The following SPOUT1 variants were observed in gnomAD, a reference collection of about 807,000 sequenced individuals.
SPOUT1 encodes the protein 28S rRNA (uridine-N(3))-methyltransferase.
Under a neutral mutation model 54.8 loss-of-function variants are expected in SPOUT1, and 40 were observed. That is an observed-to-expected ratio of 0.73 (90% CI 0.57 to 0.95). The LOEUF is 0.95. SPOUT1 is among the 40% of genes least tolerant of loss of function. SPOUT1 has a pLI of 0.00. For missense variants in SPOUT1, 437 were observed against 499.5 expected (o/e 0.87, Z 1.19); for synonymous variants, 193 against 200.3 (o/e 0.96, Z 0.31).
chr9:128,828,267 G>A (rs1029900995), intron 3 of SPOUT1, among the ~76,000 whole-genome samples: 5 of 152,158 alleles, frequency 3.3e-5, no homozygotes, highest in Admixed American at 1.3e-4. Context: ...AGGCTGAAGT[G>A]GGCAGATCAC....
intron 1 of SPOUT1, 144 bp from the exon 2 acceptor site, chr9:128,829,299 C>G (rs1230637143): frequency 1.4e-5 from 11 of 765,570 alleles, no homozygotes; most frequent in Non-Finnish European, 2.6e-5. Context: ...CCCCAGAAAG[C>G]GGCAGGAGGG....
chr9:128,825,828 T>C (rs1460617196), intron 7 of SPOUT1, among the ~76,000 whole-genome samples, 194 bp downstream of exon 7: 3 of 152,216 alleles, frequency 2.0e-5, no homozygotes, highest in African/African-American at 4.8e-5. Context: ...CTTCTGTTGA[T>C]TTGCTTTTTA....
At position 128,820,927 on chromosome 9, in the gene SPOUT1, CCCAGGCTCTGGGTCAATA is replaced by C; in HGVS notation, c.*1820_*1837del. ...CTGCCACTCACAGGGCCAGGCTTGC[CCCAGGCTCTGGGTCAATA>C]CCAGTTCCCTACTCATCTGGTTTCT... On this transcript the variant is annotated 3_prime_UTR_variant, in exon 12 of 12. Coordinates refer to ENST00000361256, the MANE Select transcript of SPOUT1 (RefSeq NM_016390.4). 1 of 1,351,258 alleles carries C rather than the reference CCCAGGCTCTGGGTCAATA, an allele frequency of 7.4e-7. No individual in the cohort carries two copies. Among genetic ancestry groups the C allele is most frequent in the Non-Finnish European group, 1.0e-6 (1 of 967,830 alleles). 83.7% of individuals were successfully genotyped at this position (1,351,258 alleles called of 1,614,324 possible). A position where few individuals can be genotyped will look rare whatever the true frequency, so the allele number is the denominator to read the frequency against.
At position 128,826,505 on chromosome 9, in the gene SPOUT1, C is replaced by A. The variant is rs199669586; in HGVS notation, c.458+35G>T. 12 of 1,610,184 alleles carry A rather than the reference C, an allele frequency of 7.5e-6. No individual in the cohort carries two copies. In the East Asian group the frequency reaches 8.9e-5, roughly 12 times the overall value. On this transcript the variant is annotated intron_variant, in intron 5 of 11. Coordinates refer to ENST00000361256, the MANE Select transcript of SPOUT1 (RefSeq NM_016390.4). This position sits in a 1 kb window ranked among gnomAD's most constrained non-coding sequence, Gnocchi z 5.5. The stretch of plus-strand genomic sequence containing the variant: ...CCTACCTGGTCTCCACTTTGACACA[C>A]CCCTCCCTCATGCTTAGGGGAGTGA...
intron 7 of SPOUT1, among the ~76,000 whole-genome samples, chr9:128,825,260 G>A (rs576499062): frequency 6.6e-6 from 1 of 152,266 alleles, no homozygotes; most frequent in African/African-American, 2.4e-5. Flanking sequence ...TGCACCTTTG[G>A]GGCGCTCATG....
intron 1 of SPOUT1, 50 bp from the exon 2 acceptor site, chr9:128,829,205 C>T: frequency 6.6e-7 from 1 of 1,507,228 alleles, no homozygotes; most frequent in Non-Finnish European, 9.2e-7. Context: ...GATGGTCACA[C>T]CTGGAGGGGG....
rs1830099690 is a variant in SPOUT1 at position 128,820,890 on chromosome 9, C to T, written c.*1875G>A. On this transcript the variant is annotated 3_prime_UTR_variant, in exon 12 of 12. Coordinates refer to ENST00000361256, the MANE Select transcript of SPOUT1 (RefSeq NM_016390.4). ...GGGGGCGGCAGAACCTCCCACTCAC[C>T]TGAGGCCCCTACTGCCACTCACAGG... 6.5e-7 allele frequency: 1 copy of T among 1,545,716 alleles called. No homozygotes were observed. Among genetic ancestry groups the T allele is most frequent in the Non-Finnish European group, 8.8e-7 (1 of 1,134,874 alleles).
At chr9:128,822,934 T>C in intron 11 of SPOUT1, 101 bp from the exon 12 acceptor site, 1 of 812,410 alleles carries the variant, frequency 1.2e-6, no homozygotes. Flanking sequence ...CCTGGCCCAC[T>C]GGGGTCCCCT....
chr9:128,822,173 A>G lies in SPOUT1; in HGVS notation c.*592T>C. 1.2e-6 allele frequency: 1 copy of G among 854,534 alleles called. No homozygotes were observed. The highest frequency in any genetic ancestry group is 1.8e-6 in the Non-Finnish European group (1 of 566,510). 52.9% of individuals were successfully genotyped at this position (854,534 alleles called of 1,614,324 possible). On this transcript the variant is annotated 3_prime_UTR_variant, in exon 12 of 12. Coordinates refer to ENST00000361256, the MANE Select transcript of SPOUT1 (RefSeq NM_016390.4). Reference sequence around the variant, plus strand: ...CCACCCTGGAGAGAGTTCCAGCCTCAAGGAGGAGCCAGGCAGGCTACAGAA... The same window carrying G: ...CCACCCTGGAGAGAGTTCCAGCCTCGAGGAGGAGCCAGGCAGGCTACAGAA...
At position 128,821,919 on chromosome 9, in the gene SPOUT1, G is replaced by C. The variant is rs1830126594; in HGVS notation, c.*846C>G. The stretch of plus-strand genomic sequence containing the variant: ...GGTGGAAGGGAGGAGACTCTGCTGA[G>C]GGGGAGCCCCCGTCCGGTGTCCTGG... On this transcript the variant is annotated 3_prime_UTR_variant, in exon 12 of 12. Transcript: ENST00000361256. 1 of 216,160 alleles carries C rather than the reference G, an allele frequency of 4.6e-6. No individual in the cohort carries two copies. Among genetic ancestry groups the C allele is most frequent in the Non-Finnish European group, 9.4e-6 (1 of 106,698 alleles). The allele number at this position is 216,160 out of a possible 1,614,324, so 13.4% of individuals were successfully genotyped here. A position where few individuals can be genotyped will look rare whatever the true frequency, so the allele number is the denominator to read the frequency against.
intron 7 of SPOUT1, 132 bp from the exon 8 acceptor site, chr9:128,825,181 C>T: frequency 1.5e-6 from 1 of 651,098 alleles, no homozygotes; most frequent in Non-Finnish European, 2.8e-6. Context: ...TGCCACCCTC[C>T]ACCCCTGGCA....
At chr9:128,823,148 C>T (rs1463091660) in intron 11 of SPOUT1, among the ~76,000 whole-genome samples, 1 of 152,140 alleles carries the variant, frequency 6.6e-6, no homozygotes, top group Non-Finnish European at 1.5e-5. Context: ...GGAAGGGTGG[C>T]AGCCAGGGTT....
At chr9:128,824,743 T>C in intron 9 of SPOUT1, 28 bp downstream of exon 9, 1 of 1,535,226 alleles carries the variant, frequency 6.5e-7, no homozygotes, top group South Asian at 1.1e-5. Flanking sequence ...GATGGATGGA[T>C]ATTCAGAGAA....
In SPOUT1 at chr9:128,822,092, C is replaced by T. The variant is rs1589590690; in HGVS notation, c.*673G>A. On this transcript the variant is annotated 3_prime_UTR_variant, in exon 12 of 12. Transcript: ENST00000361256. Reference sequence around the variant, plus strand: ...CGATTCTCCTAGCAGCGTTTATTGTCGCCCACTCTGCCTGACCCAGTGTTG... The same window carrying T: ...CGATTCTCCTAGCAGCGTTTATTGTTGCCCACTCTGCCTGACCCAGTGTTG... 1.6e-5 allele frequency: 9 copies of T among 577,322 alleles called. No homozygotes were observed. The highest frequency in any genetic ancestry group is 4.6e-4 in the Middle Eastern group (1 of 2,170). The allele number at this position is 577,322 out of a possible 1,614,324, so 35.8% of individuals were successfully genotyped here.
intron 10 of SPOUT1, 82 bp downstream of exon 10, chr9:128,823,990 G>A (rs996107366): frequency 1.3e-6 from 2 of 1,572,572 alleles, no homozygotes; most frequent in Non-Finnish European, 1.7e-6. Context: ...GACAGCAGGG[G>A]CCCATCTGTG....
rs34500948 is a variant in SPOUT1, at chr9:128,828,755, G to A, written c.188C>T (p.Ala63Val). 9.5e-4 allele frequency: 1,540 copies of A among 1,613,870 alleles called. 12 individuals are homozygous for A. In the African/African-American group the frequency reaches 0.016, roughly 17 times the overall value. Residue 63 changes from alanine to valine, a missense_variant, in exon 3 of 12, where the codon GCG (alanine) becomes GTG (valine). Physicochemically the swap from Ala to Val is moderately conservative, Grantham distance 64. Coordinates refer to ENST00000361256, the MANE Select transcript of SPOUT1 (RefSeq NM_016390.4). ...QAKRLEEEEA[A>V]AEKEDRGRPY... ...CTCACCGCGGTCCTCCTTCTCTGCC[G>A]CTGCCTCCTCCTCTTCCAGGCGCTT... is the stretch of plus-strand genomic sequence containing the variant.
chr9:128,819,951 TAAA>T lies in SPOUT1; in HGVS notation c.*2811_*2813del, dbSNP rs1830075177. ...TGTGGGATCAATGGGGGGGTGGCTG[TAAA>T]TACAGATGAAGCTTCCCTTGCTCGC... is the stretch of plus-strand genomic sequence containing the variant. On this transcript the variant is annotated 3_prime_UTR_variant, in exon 12 of 12. Transcript: ENST00000361256. 6.6e-6 allele frequency: 1 copy of T among 152,246 alleles called. No homozygotes were observed. Among genetic ancestry groups the T allele is most frequent in the African/African-American group, 2.4e-5 (1 of 41,438 alleles). 9.4% of individuals were successfully genotyped at this position (152,246 alleles called of 1,614,324 possible). A position where few individuals can be genotyped will look rare whatever the true frequency, so the allele number is the denominator to read the frequency against.
chr9:128,824,882 CAG>C lies in SPOUT1; in HGVS notation c.713-15_713-14del, dbSNP rs768778391. The C allele has an allele frequency of 6.2e-6, 10 of 1,609,826 alleles. No individual in the cohort carries two copies. Among genetic ancestry groups the C allele is most frequent in the African/African-American group, 1.3e-5 (1 of 74,830 alleles). The stretch of plus-strand genomic sequence containing the variant: ...TAGGTCTTGCAGTCTGGAGGGGTAA[CAG>C]AGTCTGTAAAGATGGGGTGAGGGAA... On this transcript the variant is annotated splice_polypyrimidine_tract_variant and intron_variant, in intron 8 of 11. Transcript: ENST00000361256.
intron 9 of SPOUT1, 93 bp from the exon 10 acceptor site, chr9:128,824,267 G>C (rs1027830203): frequency 3.7e-6 from 2 of 547,772 alleles, no homozygotes; most frequent in South Asian, 3.4e-5. Flanking sequence ...GGGTGGGTGG[G>C]AAGAGCTGTG....
Sources: allele counts gnomAD v4.1 joint callset (sites outside exome capture counted in the v4.1 genomes callset), GRCh38; gene constraint gnomAD v4.1.1; non-coding constraint Gnocchi (gnomAD v3.1); transcripts MANE v1.5; gene names NCBI Gene and HGNC (gene_info 2026-07-23, HGNC 2026-07-21).